GALNT3: variants seen among roughly 807,000 people sequenced by gnomAD.
GALNT3 encodes GalNAc transferase 3.
In GALNT3, 51 loss-of-function variants were observed where a neutral mutation model predicts 69.8. That is an observed-to-expected ratio of 0.73 (90% CI 0.58 to 0.92). The LOEUF is 0.92. Ranked by LOEUF, GALNT3 falls within the 40% of genes least tolerant of loss-of-function variation. GALNT3 has a pLI of 0.00. For missense variants in GALNT3, 711 were observed against 760.0 expected (o/e 0.94, Z 0.76); for synonymous variants, 265 against 248.5 (o/e 1.07, Z -0.63).
At position 165,777,285 on chromosome 2, in the gene GALNT3, G is replaced by GA. The variant is rs567349730; in HGVS notation, c.-108-6478dup. ...GAGTTAGGGGTAACCACACTAAGCA[G>GA]AAAAAAAACAAAATTACATCCCAAT... is the stretch of plus-strand genomic sequence containing the variant. On this transcript the variant is annotated intron_variant, in intron 1 of 10. Transcript: ENST00000392701. Among the ~76,000 whole-genome samples, 654 of 151,336 alleles carry GA rather than the reference G, an allele frequency of 4.3e-3. 9 individuals are homozygous for GA. Among genetic ancestry groups the GA allele is most frequent in the South Asian group, 0.01 (49 of 4,788 alleles).
chr2:165,778,161 G>A (rs1441344637), intron 1 of GALNT3, among the ~76,000 whole-genome samples: 2 of 150,036 alleles, frequency 1.3e-5, no homozygotes, highest in African/African-American at 4.9e-5. Flanking sequence ...CAAACTCAGG[G>A]GCTCACATGC....
At chr2:165,785,465 T>C (rs77914655) in intron 1 of GALNT3, among the ~76,000 whole-genome samples, 2,291 of 152,254 alleles carry the variant, frequency 0.015, 30 homozygotes, top group Non-Finnish European at 0.022. Flanking sequence ...ATCATATACC[T>C]CTCCTAACTT....
chr2:165,754,504 GA>G, intron 9 of GALNT3, 122 bp downstream of exon 9: 1 of 723,272 alleles, frequency 1.4e-6, no homozygotes, highest in Non-Finnish European at 2.4e-6. Context: ...AACTCAGTCT[GA>G]AAACATTTCA....
rs1344871637 is a variant in GALNT3, at chr2:165,761,640, T to C, written c.838+265A>G. 2.1e-4 allele frequency: 131 copies of C among 638,142 alleles called. 2 individuals are homozygous for C. In the East Asian group the frequency reaches 3.7e-3, roughly 18 times the overall value. The allele number at this position is 638,142 out of a possible 1,614,324, so 39.5% of individuals were successfully genotyped here. On this transcript the variant is annotated intron_variant, in intron 4 of 10. Transcript: ENST00000392701. ...TGGAAAAAAAAAAAAGAGGCAAGGA[T>C]AACTGGCTGGAACAGCTAGTAACTG...
At chr2:165,780,527 C>A (rs559823032) in intron 1 of GALNT3, among the ~76,000 whole-genome samples, 1 of 152,240 alleles carries the variant, frequency 6.6e-6, no homozygotes, top group East Asian at 1.9e-4. Flanking sequence ...AAAAGTTTTC[C>A]TTATCCAGTA....
chr2:165,748,366 T>G lies in GALNT3; in HGVS notation c.*415A>C. ...CCAATGCTGACATTTATTGATCTAT[T>G]TTTATGTAGTTAAAAAAATACAGTA... On this transcript the variant is annotated 3_prime_UTR_variant, in exon 11 of 11. Coordinates refer to ENST00000392701, the MANE Select transcript of GALNT3 (RefSeq NM_004482.4). The G allele has an allele frequency of 3.9e-6, 1 of 258,496 alleles. No homozygotes were observed. The highest frequency in any genetic ancestry group is 7.5e-6 in the Non-Finnish European group (1 of 133,870). The allele number at this position is 258,496 out of a possible 1,614,324, so 16.0% of individuals were successfully genotyped here. A position where few individuals can be genotyped will look rare whatever the true frequency, so the allele number is the denominator to read the frequency against.
intron 1 of GALNT3, among the ~76,000 whole-genome samples, chr2:165,784,655 T>C (rs1683182005): frequency 6.6e-6 from 1 of 151,966 alleles, no homozygotes; most frequent in African/African-American, 2.4e-5. Context: ...AGGAAACACA[T>C]CAAGACCCCA....
chr2:165,758,668 A>T (rs971602981), intron 6 of GALNT3, 79 bp downstream of exon 6: 5 of 933,206 alleles, frequency 5.4e-6, no homozygotes, highest in Non-Finnish European at 8.8e-6. Flanking sequence ...CACATCTGTA[A>T]TCATATGTAC....
chr2:165,752,405 T>C (rs114426224), intron 9 of GALNT3, among the ~76,000 whole-genome samples: 1,692 of 152,310 alleles, frequency 0.011, 31 homozygotes, highest in African/African-American at 0.038. Flanking sequence ...TTTTTCTTTG[T>C]TCCTGTGGAA....
intron 1 of GALNT3, among the ~76,000 whole-genome samples, chr2:165,779,925 C>T (rs890569648): frequency 9.2e-5 from 14 of 152,092 alleles, no homozygotes; most frequent in African/African-American, 3.1e-4. Flanking sequence ...CAAGGAAGGG[C>T]AAATCCATAT....
chr2:165,756,919 T>G, intron 7 of GALNT3, 128 bp downstream of exon 7: 1 of 705,050 alleles, frequency 1.4e-6, no homozygotes, highest in Non-Finnish European at 2.4e-6. Flanking sequence ...TCATAAGTCA[T>G]GTACTTTAAG....
intron 1 of GALNT3, among the ~76,000 whole-genome samples, chr2:165,791,831 G>A (rs1393368169): frequency 6.6e-6 from 1 of 152,178 alleles, no homozygotes; most frequent in Non-Finnish European, 1.5e-5. Flanking sequence ...ATTCCACAAT[G>A]AGAGGAGCAT....
intron 1 of GALNT3, among the ~76,000 whole-genome samples, chr2:165,785,222 A>G (rs147315130): frequency 2.2e-3 from 340 of 152,270 alleles, no homozygotes; most frequent in Middle Eastern, 6.8e-3. Context: ...AAAGAGATAA[A>G]TTATGATGGA....
chr2:165,793,815 G>A lies in GALNT3; in HGVS notation c.-109+200C>T, dbSNP rs12465319. On this transcript the variant is annotated intron_variant, in intron 1 of 10. Transcript: ENST00000392701. ...AGGGTGTGACCGGGCTCCCCCCCGA[G>A]GCGCCACCTGCCCCTTGGCCCAGGG... The A allele has an allele frequency of 7.5e-3, 1,155 of 153,000 alleles. 39 individuals are homozygous for A. The highest frequency in any genetic ancestry group is 0.061 in the Admixed American group (936 of 15,308). 9.5% of individuals were successfully genotyped at this position (153,000 alleles called of 1,614,324 possible).
At position 165,765,031 on chromosome 2, in the gene GALNT3, A is replaced by T. The variant is rs897864996; in HGVS notation, c.541T>A (p.Cys181Ser). ...ACACTGGTGGTGGGCAGGGGAGGGC[A>T]GCGCTTAAATTTTTGTTCAATACAT... The part of the protein sequence containing the change: ...PECIEQKFKR[C>S]PPLPTTSVII... Residue 181 changes from cysteine to serine, a missense_variant, in exon 3 of 11, where the codon TGC becomes AGC. Physicochemically the swap from Cys to Ser is moderately radical, Grantham distance 112. Coordinates refer to ENST00000392701, the MANE Select transcript of GALNT3 (RefSeq NM_004482.4). 6.2e-7 allele frequency: 1 copy of T among 1,613,204 alleles called. No homozygotes were observed. Among genetic ancestry groups the T allele is most frequent in the Non-Finnish European group, 8.5e-7 (1 of 1,179,154 alleles).
rs556374585 is a variant in GALNT3, at chr2:165,765,978, G to C, written c.516-922C>G. Among the ~76,000 whole-genome samples, 445 of 152,116 alleles carry C rather than the reference G, an allele frequency of 2.9e-3. 8 individuals carry two copies. The highest frequency in any genetic ancestry group is 0.01 in the African/African-American group (425 of 41,498). On this transcript the variant is annotated intron_variant, in intron 2 of 10. Coordinates refer to ENST00000392701, the MANE Select transcript of GALNT3 (RefSeq NM_004482.4). The stretch of plus-strand genomic sequence containing the variant: ...TTTATTTAAAATAGAGACAGTCTGT[G>C]ATGTTGCCCAGGCTGGTCTTGAACT...
chr2:165,792,949 G>T (rs1450758575), intron 1 of GALNT3, among the ~76,000 whole-genome samples: 1 of 152,124 alleles, frequency 6.6e-6, no homozygotes, highest in Non-Finnish European at 1.5e-5. Flanking sequence ...TATAGAATTT[G>T]ACTGTAAATG....
intron 1 of GALNT3, among the ~76,000 whole-genome samples, chr2:165,791,511 C>T (rs994248072): frequency 1.3e-5 from 2 of 152,030 alleles, no homozygotes; most frequent in Non-Finnish European, 2.9e-5. Context: ...CATTTATATA[C>T]ACTCACATTG....
At position 165,749,747 on chromosome 2, in the gene GALNT3, G is replaced by A. The variant is rs137853087; in HGVS notation, c.1774C>T (p.Gln592Ter). 18 of 1,613,168 alleles carry A rather than the reference G, an allele frequency of 1.1e-5. No homozygotes were observed. The highest frequency in any genetic ancestry group is 1.4e-5 in the Non-Finnish European group (17 of 1,179,340). Reference sequence around the variant, plus strand: ...AATTAATTGCACTGAGGTACCTTCTGGATCTCCCATATCTGCTCTCCAGTG... The same window carrying A: ...AATTAATTGCACTGAGGTACCTTCTAGATCTCCCATATCTGCTCTCCAGTG... ...VVTGEQIWEI[Q>*]KDQLLYNPFL... Residue 592 changes from glutamine (Q) to a stop codon, truncating the protein, a stop_gained, in exon 10 of 11, where the codon CAG (glutamine) becomes TAG (stop). Coordinates refer to ENST00000392701, the MANE Select transcript of GALNT3 (RefSeq NM_004482.4). LOFTEE classifies it high-confidence loss of function.
Sources: gnomAD v4.1 joint callset for allele counts (sites outside exome capture counted in the v4.1 genomes callset) on GRCh38, gnomAD v4.1.1 for gene constraint, MANE v1.5 for transcripts, NCBI Gene and HGNC (gene_info 2026-07-23, HGNC 2026-07-21) for gene names.